Variants in HNF4A observed in about 807,000 individuals in gnomAD.
HNF4A encodes hepatocyte nuclear factor 4 alpha, also known as hepatocyte nuclear factor 4-alpha.
HNF4A carries 15 observed loss-of-function variants against 52.4 expected under a neutral mutation model. That is an observed-to-expected ratio of 0.29 (90% CI 0.19 to 0.44). HNF4A has a LOEUF of 0.44. HNF4A is among the 20% of genes least tolerant of loss of function. The pLI is 1.00. For missense variants in HNF4A, 479 were observed against 647.2 expected (o/e 0.74, Z 2.82); for synonymous variants, 280 against 264.4 (o/e 1.06, Z -0.57).
intron 1 of HNF4A, among the ~76,000 whole-genome samples, chr20:44,363,020 AT>A (rs11479068): frequency 0.16 from 24,522 of 150,920 alleles, 2,383 homozygotes; most frequent in Middle Eastern, 0.26. Context: ...TGCCTGGCTA[AT>A]TTTTTTTTAT....
At chr20:44,418,008 C>T (rs1483921529) in intron 5 of HNF4A, among the ~76,000 whole-genome samples, 3 of 151,540 alleles carry the variant, frequency 2.0e-5, no homozygotes, top group East Asian at 1.9e-4. Flanking sequence ...TTTTACAAAG[C>T]ACCCTTCATA....
chr20:44,377,646 C>G (rs1194293301), intron 1 of HNF4A: 1 of 152,028 alleles, frequency 6.6e-6, no homozygotes, highest in Non-Finnish European at 1.5e-5. Flanking sequence ...ACCTGTAATC[C>G]CAGCCACTTG....
intron 4 of HNF4A, among the ~76,000 whole-genome samples, chr20:44,414,091 C>T (rs1005004498): frequency 6.6e-6 from 1 of 152,256 alleles, no homozygotes; most frequent in Non-Finnish European, 1.5e-5. Context: ...TCCGAGAGAA[C>T]AGAGCAGTGG....
At chr20:44,385,523 TA>T (rs2146272566) in intron 1 of HNF4A, among the ~76,000 whole-genome samples, 1 of 150,888 alleles carries the variant, frequency 6.6e-6, no homozygotes, top group African/African-American at 2.4e-5. Context: ...GGCTGGAGTG[TA>T]GTGGCCTGAT....
intron 1 of HNF4A, among the ~76,000 whole-genome samples, chr20:44,383,895 G>A (rs2063186837): frequency 6.6e-6 from 1 of 151,614 alleles, no homozygotes; most frequent in Admixed American, 6.6e-5. Flanking sequence ...TTGTTGCCCA[G>A]GCTGGAGTGC....
At chr20:44,359,507 G>T (rs2062894707) in intron 1 of HNF4A, among the ~76,000 whole-genome samples, 1 of 152,178 alleles carries the variant, frequency 6.6e-6, no homozygotes, top group African/African-American at 2.4e-5. Context: ...AGCCAAGATG[G>T]ACCTAGACCA....
Position 44,358,200 on chromosome 20 carries a change from C to T in HNF4A, c.49+2347C>T, listed in dbSNP as rs552222351. On this transcript the variant is annotated intron_variant, in intron 1 of 9. Transcript: ENST00000316673. ...AATCATTACCCCTCTCTGAGCTTCACATGTTTTATCTGTAAAATGAGCTAC... is the reference window on the plus strand; with the variant it reads ...AATCATTACCCCTCTCTGAGCTTCATATGTTTTATCTGTAAAATGAGCTAC... Among the ~76,000 whole-genome samples, 14 of 147,020 alleles carry T rather than the reference C, an allele frequency of 9.5e-5. No homozygotes were observed. In the South Asian group the frequency reaches 3.1e-3, roughly 32 times the overall value.
intron 1 of HNF4A, among the ~76,000 whole-genome samples, chr20:44,376,653 CA>C (rs2063088926): frequency 6.6e-6 from 1 of 152,080 alleles, no homozygotes; most frequent in African/African-American, 2.4e-5. Context: ...CCACCCTTAT[CA>C]GTGGTGATCA....
intron 1 of HNF4A, among the ~76,000 whole-genome samples, chr20:44,377,062 A>G (rs1197562011): frequency 6.6e-6 from 1 of 152,116 alleles, no homozygotes; most frequent in African/African-American, 2.4e-5. Context: ...AAAAAGAAAT[A>G]AAATAGATAA....
chr20:44,372,639 G>A (rs2063045116), intron 1 of HNF4A: 1 of 152,140 alleles, frequency 6.6e-6, no homozygotes, highest in South Asian at 2.1e-4. Flanking sequence ...AGTAATTTGG[G>A]AGGTGGAGTT....
intron 4 of HNF4A, 103 bp from the exon 5 acceptor site, chr20:44,414,404 C>T: frequency 6.5e-7 from 1 of 1,539,414 alleles, no homozygotes; most frequent in Non-Finnish European, 9.0e-7. Context: ...ACTATCCAGC[C>T]CCCTCCCCAC....
chr20:44,416,310 C>T (rs1345921166), intron 5 of HNF4A, among the ~76,000 whole-genome samples: 1 of 152,184 alleles, frequency 6.6e-6, no homozygotes, highest in African/African-American at 2.4e-5. Context: ...TTGACATTGC[C>T]CCAGAAACTA....
At chr20:44,382,184 A>G (rs2063162318) in intron 1 of HNF4A, among the ~76,000 whole-genome samples, 1 of 151,920 alleles carries the variant, frequency 6.6e-6, no homozygotes, top group Non-Finnish European at 1.5e-5. Context: ...TACCCAGCCC[A>G]AAACTCTTTT....
intron 5 of HNF4A, among the ~76,000 whole-genome samples, chr20:44,417,246 C>T (rs1452168778): frequency 6.6e-6 from 1 of 152,200 alleles, no homozygotes; most frequent in Non-Finnish European, 1.5e-5. Context: ...CTTGAGGCTA[C>T]CAGCCTGGTG....
rs985836522 is a variant in HNF4A at position 44,430,966 on chromosome 20, C to T, written c.*1301C>T. On this transcript the variant is annotated 3_prime_UTR_variant, in exon 10 of 10. Transcript: ENST00000316099. ...CATCATCTCATTTAATCCTCCCTTC[C>T]TCCCTATTAACCTAGAGATTGTTTT... 1 of 149,368 alleles carries T rather than the reference C, an allele frequency of 6.7e-6. No homozygotes were observed. The highest frequency in any genetic ancestry group is 2.4e-5 in the African/African-American group (1 of 41,114). 9.3% of individuals were successfully genotyped at this position (149,368 alleles called of 1,614,324 possible). A position where few individuals can be genotyped will look rare whatever the true frequency, so the allele number is the denominator to read the frequency against.
intron 1 of HNF4A, among the ~76,000 whole-genome samples, chr20:44,387,671 C>CG (rs1202725022): frequency 0.043 from 192 of 4,456 alleles, 7 homozygotes; most frequent in African/African-American, 0.093. Context: ...GGGGGGGAGG[C>CG]GGGGGGGGCG....
chr20:44,406,840 A>G (rs2063507725), intron 2 of HNF4A, among the ~76,000 whole-genome samples: 1 of 152,166 alleles, frequency 6.6e-6, no homozygotes, highest in Non-Finnish European at 1.5e-5. Context: ...TGTTATTCCC[A>G]TTTTATAGAG....
chr20:44,400,695 A>C (rs2063395888), upstream of HNF4A, among the ~76,000 whole-genome samples: 1 of 152,120 alleles, frequency 6.6e-6, no homozygotes, highest in Non-Finnish European at 1.5e-5. Flanking sequence ...TTGGAGGTGA[A>C]TCTGGCCCTC....
intron 1 of HNF4A, among the ~76,000 whole-genome samples, chr20:44,394,574 C>A (rs1257138569): frequency 1.3e-5 from 2 of 152,212 alleles, no homozygotes; most frequent in African/African-American, 4.8e-5. Flanking sequence ...AAAGCTGCCG[C>A]TTCCCATCCC....
Sources: gnomAD v4.1 joint callset for allele counts (sites outside exome capture counted in the v4.1 genomes callset) on GRCh38, gnomAD v4.1.1 for gene constraint, MANE v1.5 for transcripts, NCBI Gene and HGNC (gene_info 2026-07-23, HGNC 2026-07-21) for gene names.